The following HNRNPLL variants were observed in gnomAD, a reference collection of about 807,000 sequenced individuals.
HNRNPLL encodes heterogeneous nuclear ribonucleoprotein L like.
A neutral mutation model predicts 67.1 loss-of-function variants in HNRNPLL; 25 were observed. The ratio of observed to expected loss-of-function variants is 0.37; its 90% CI spans 0.27 to 0.52. The LOEUF is 0.52. Among genes scored for constraint, HNRNPLL ranks in the 20% least tolerant of loss-of-function variants. The pLI is 0.90. For synonymous variants in HNRNPLL, 267 were observed against 241.7 expected, an observed-to-expected ratio of 1.10 and a Z score of -0.97; for missense variants, 542 against 673.9, an observed-to-expected ratio of 0.80 and a Z score of 2.17.
chr2:38,566,692 T>C (rs1407006624), intron 12 of HNRNPLL, among the ~76,000 whole-genome samples: 2 of 151,766 alleles, frequency 1.3e-5, no homozygotes, highest in African/African-American at 2.4e-5. Flanking sequence ...CATTAGAAAG[T>C]GCAACTATTG....
At chr2:38,585,601 G>A in intron 3 of HNRNPLL, 43 bp downstream of exon 3, 2 of 1,293,106 alleles carry the variant, frequency 1.5e-6, no homozygotes, top group Non-Finnish European at 1.1e-6. Flanking sequence ...GAGGCAAACT[G>A]CAAAATCACT....
rs183668821 is a variant in HNRNPLL, at chr2:38,593,844, C to T, written c.190-2196G>A. On this transcript the variant is annotated intron_variant, in intron 1 of 12. Transcript: ENST00000449105. ...TGCCACTGCACTCCAGACTGGGCGA[C>T]GGAGTGAGACTCCGTCTCAAAAAAA... Among the ~76,000 whole-genome samples the T allele has an allele frequency of 4.3e-3, 612 of 143,470 alleles. 3 individuals are homozygous for T. Among genetic ancestry groups the T allele is most frequent in the Middle Eastern group, 0.011 (3 of 268 alleles). The allele number at this position is 143,470 out of a possible 152,430, so 94.1% of individuals were successfully genotyped here.
chr2:38,584,088 G>T (rs1024544366), intron 3 of HNRNPLL, among the ~76,000 whole-genome samples, 162 bp from the exon 4 acceptor site: 13 of 152,132 alleles, frequency 8.5e-5, no homozygotes, highest in African/African-American at 2.9e-4. Flanking sequence ...TTGAGACAGG[G>T]TCTCACACTG....
intron 6 of HNRNPLL, chr2:38,581,542 T>A (rs968596255): frequency 6.7e-6 from 2 of 298,038 alleles, no homozygotes; most frequent in African/African-American, 4.3e-5. Flanking sequence ...TAATGCCTCG[T>A]CCAGCTTGGG....
At chr2:38,580,925 C>A (rs1469445678) in intron 6 of HNRNPLL, 1 of 152,112 alleles carries the variant, frequency 6.6e-6, no homozygotes, top group African/African-American at 2.4e-5. Flanking sequence ...AAAGTGACAA[C>A]TTATAAACAG....
chr2:38,564,773 G>C (rs1246160009), intron 12 of HNRNPLL, among the ~76,000 whole-genome samples: 1 of 151,534 alleles, frequency 6.6e-6, no homozygotes, highest in Non-Finnish European at 1.5e-5. Context: ...TTTTTTTAGT[G>C]AATTCATCAT....
chr2:38,586,136 C>T (rs1262281125), intron 2 of HNRNPLL, among the ~76,000 whole-genome samples: 2 of 152,122 alleles, frequency 1.3e-5, no homozygotes, highest in Non-Finnish European at 2.9e-5. Context: ...ATTCTCTTGC[C>T]TCAGCCTCCT....
At position 38,602,661 on chromosome 2, in the gene HNRNPLL, G is replaced by T. The variant is rs533605050; in HGVS notation, c.-35C>A. On this transcript the variant is annotated 5_prime_UTR_variant, in exon 1 of 13. Coordinates refer to ENST00000449105, the MANE Select transcript of HNRNPLL (RefSeq NM_138394.4). Reference sequence around the variant, plus strand: ...CGGAGGGACCGGCTGGCAGGCGGGTGGGGGTGGCGGTGGGGCGCGCGCCTC... The same window carrying T: ...CGGAGGGACCGGCTGGCAGGCGGGTTGGGGTGGCGGTGGGGCGCGCGCCTC... The T allele has an allele frequency of 1.4e-6, 2 of 1,462,502 alleles. No homozygotes were observed. Among genetic ancestry groups the T allele is most frequent in the South Asian group, 1.3e-5 (1 of 74,252 alleles). The allele number at this position is 1,462,502 out of a possible 1,614,324, so 90.6% of individuals were successfully genotyped here.
At chr2:38,596,578 C>T (rs965446254) in intron 1 of HNRNPLL, among the ~76,000 whole-genome samples, 61 of 152,144 alleles carry the variant, frequency 4.0e-4, no homozygotes, top group African/African-American at 1.3e-3. Flanking sequence ...ATTTTACCTA[C>T]TCTAAAATAA....
At chr2:38,595,286 AAAAAAAAAAAAG>A (rs1667132494) in intron 1 of HNRNPLL, among the ~76,000 whole-genome samples, 1 of 148,092 alleles carries the variant, frequency 6.8e-6, no homozygotes, top group Non-Finnish European at 1.5e-5. Flanking sequence ...AAAAAAAAAA[AAAAAAAAAAAAG>A]AAAAGAAAAA....
intron 1 of HNRNPLL, among the ~76,000 whole-genome samples, chr2:38,601,401 A>G (rs1016095956): frequency 2.6e-5 from 4 of 152,206 alleles, no homozygotes; most frequent in Non-Finnish European, 5.9e-5. Context: ...TAATAGTAGG[A>G]TATATGTGTA....
chr2:38,594,195 AAAAC>A (rs1338114516), intron 1 of HNRNPLL, among the ~76,000 whole-genome samples: 1 of 152,182 alleles, frequency 6.6e-6, no homozygotes, highest in Non-Finnish European at 1.5e-5. Context: ...CAAAAACCAA[AAAAC>A]AAACAAAAAA....
chr2:38,567,520 T>G (rs1665916876), intron 12 of HNRNPLL, among the ~76,000 whole-genome samples: 1 of 152,200 alleles, frequency 6.6e-6, no homozygotes, highest in Non-Finnish European at 1.5e-5. Flanking sequence ...ATTTTGTACC[T>G]TTATGTACTG....
At chr2:38,600,440 G>T (rs1385462574) in intron 1 of HNRNPLL, among the ~76,000 whole-genome samples, 1 of 152,112 alleles carries the variant, frequency 6.6e-6, no homozygotes, top group Non-Finnish European at 1.5e-5. Context: ...CAAATTGTAT[G>T]CTAAGACCAG....
chr2:38,586,242 C>T (rs546423832), intron 2 of HNRNPLL, among the ~76,000 whole-genome samples: 38 of 152,226 alleles, frequency 2.5e-4, no homozygotes, highest in African/African-American at 8.2e-4. Context: ...AGGATGGTCT[C>T]GATCTCCTGA....
chr2:38,587,005 A>C (rs1666761041), intron 2 of HNRNPLL, among the ~76,000 whole-genome samples: 1 of 152,198 alleles, frequency 6.6e-6, no homozygotes, highest in Admixed American at 6.5e-5. Flanking sequence ...ACAATGGGGG[A>C]AGCATGTCCT....
intron 1 of HNRNPLL, among the ~76,000 whole-genome samples, chr2:38,598,779 G>C (rs1284179185): frequency 6.6e-6 from 1 of 152,132 alleles, no homozygotes; most frequent in Non-Finnish European, 1.5e-5. Context: ...CTAACATGAA[G>C]AAACAGTCTA....
At chr2:38,567,298 T>A (rs773803379) in intron 12 of HNRNPLL, among the ~76,000 whole-genome samples, 3 of 152,066 alleles carry the variant, frequency 2.0e-5, no homozygotes, top group Non-Finnish European at 4.4e-5. Flanking sequence ...TTATTTTTAG[T>A]AGAGACAGGG....
chr2:38,574,876 G>A (rs1038053322), intron 7 of HNRNPLL, among the ~76,000 whole-genome samples: 2 of 151,650 alleles, frequency 1.3e-5, no homozygotes, highest in African/African-American at 4.8e-5. Flanking sequence ...CTCTAATTTA[G>A]ACTCTCATAC....
Sources: allele counts gnomAD v4.1 joint callset (sites outside exome capture counted in the v4.1 genomes callset), GRCh38; gene constraint gnomAD v4.1.1; transcripts MANE v1.5; gene names NCBI Gene and HGNC (gene_info 2026-07-23, HGNC 2026-07-21).